WWOX: variants seen among roughly 807,000 people sequenced by gnomAD.
The protein encoded by WWOX is WW domain containing oxidoreductase, also known as WW domain-containing oxidoreductase.
Under a neutral mutation model 46.2 loss-of-function variants are expected in WWOX, and 69 were observed. That is an observed-to-expected ratio of 1.49 (90% CI 1.23 to 1.82). The LOEUF (loss-of-function observed/expected upper bound fraction) is 1.82, where lower values mean the gene tolerates loss of function less well. WWOX is among the 40% of genes most tolerant of loss of function. The pLI, the probability that WWOX is intolerant of heterozygous loss-of-function variation, is 0.00. For missense variants in WWOX, 919 were observed against 542.6 expected (o/e 1.69, Z -6.89); for synonymous variants, 359 against 202.6 (o/e 1.77, Z -6.56).
intron 5 of WWOX, among the ~76,000 whole-genome samples, chr16:78,327,275 G>C (rs1340640491): frequency 6.6e-6 from 1 of 152,188 alleles, no homozygotes; most frequent in Non-Finnish European, 1.5e-5. Context: ...CATATGACAG[G>C]CTGGCTTGAT....
chr16:78,546,272 A>G (rs1360988278), intron 8 of WWOX, among the ~76,000 whole-genome samples: 3 of 152,194 alleles, frequency 2.0e-5, no homozygotes, highest in Non-Finnish European at 4.4e-5. Flanking sequence ...GAACTGAAGC[A>G]TGAAAGGGAA....
chr16:78,625,269 C>T lies in WWOX; in HGVS notation c.1056+192517C>T, dbSNP rs187154303. ...CAGCCCCACTCTTTAGCCTCAGTCC[C>T]TCTGTGGTTCCCCTGACTGAGCTCC... On this transcript the variant is annotated intron_variant, in intron 8 of 8. Transcript: ENST00000566780. 9.0e-3 allele frequency among the ~76,000 whole-genome samples: 1,374 copies of T among 152,274 alleles called. 13 individuals are homozygous for T. Among genetic ancestry groups the T allele is most frequent in the Non-Finnish European group, 0.012 (834 of 68,016 alleles).
intron 5 of WWOX, among the ~76,000 whole-genome samples, chr16:78,301,670 A>C (rs1035193358): frequency 6.6e-6 from 1 of 152,180 alleles, no homozygotes; most frequent in Non-Finnish European, 1.5e-5. Flanking sequence ...CAAACCCTCC[A>C]AGACCTCAGG....
chr16:78,544,566 C>A (rs2043977091), intron 8 of WWOX, among the ~76,000 whole-genome samples: 1 of 152,128 alleles, frequency 6.6e-6, no homozygotes, highest in Non-Finnish European at 1.5e-5. Context: ...CATTGCAATG[C>A]ACAGTGGGTT....
At chr16:78,914,241 C>G (rs557772347) in intron 8 of WWOX, among the ~76,000 whole-genome samples, 1 of 150,224 alleles carries the variant, frequency 6.7e-6, no homozygotes, top group African/African-American at 2.5e-5. Context: ...TCCGTCTATT[C>G]ATTCATTCAT....
intron 8 of WWOX, among the ~76,000 whole-genome samples, chr16:78,783,120 G>GA (rs1480686156): frequency 2.0e-5 from 3 of 152,252 alleles, no homozygotes; most frequent in South Asian, 2.1e-4. Flanking sequence ...AAGTTATCAG[G>GA]AAAAACCAAA....
At chr16:79,002,104 C>G (rs991345206) in intron 8 of WWOX, among the ~76,000 whole-genome samples, 5 of 151,730 alleles carry the variant, frequency 3.3e-5, no homozygotes, top group African/African-American at 1.2e-4. Context: ...GGCAGTGAAA[C>G]CTGAATCTCA....
At chr16:78,791,126 G>A (rs916823247) in intron 8 of WWOX, among the ~76,000 whole-genome samples, 1 of 152,054 alleles carries the variant, frequency 6.6e-6, no homozygotes, top group Non-Finnish European at 1.5e-5. Context: ...GAAGGGGGTT[G>A]GAGGTCAGTG....
intron 8 of WWOX, among the ~76,000 whole-genome samples, chr16:79,200,842 C>G (rs1411382154): frequency 6.6e-6 from 1 of 152,140 alleles, no homozygotes; most frequent in Non-Finnish European, 1.5e-5. Flanking sequence ...GGCCAGGTGA[C>G]AGGCGAGTCT....
intron 8 of WWOX, among the ~76,000 whole-genome samples, chr16:78,650,172 T>C (rs2046934750): frequency 6.6e-6 from 1 of 152,150 alleles, no homozygotes; most frequent in African/African-American, 2.4e-5. Flanking sequence ...AAAAGAGTGT[T>C]TGGCTAACTT....
intron 8 of WWOX, among the ~76,000 whole-genome samples, chr16:78,943,840 T>C (rs2151294837): frequency 6.6e-6 from 1 of 152,202 alleles, no homozygotes; most frequent in East Asian, 1.9e-4. Context: ...CTCCCCGATG[T>C]CCCGAAAGAG....
At chr16:79,210,745 C>T (rs898873829) in intron 8 of WWOX, among the ~76,000 whole-genome samples, 8 of 152,130 alleles carry the variant, frequency 5.3e-5, no homozygotes, top group African/African-American at 1.9e-4. Flanking sequence ...TGATTTCTTG[C>T]CCTCTTTATA....
At position 78,913,850 on chromosome 16, in the gene WWOX, G is replaced by A. The variant is rs574022002; in HGVS notation, c.1057-297758G>A. Among the ~76,000 whole-genome samples, 23 of 151,918 alleles carry A rather than the reference G, an allele frequency of 1.5e-4. 1 individual carries two copies. The highest frequency in any genetic ancestry group is 7.2e-4 in the Admixed American group (11 of 15,248). ...TAACTTTTGTATTTTTTGTAGATAC[G>A]GGGTCTTGCTATGTTGTCCAGGCTG... On this transcript the variant is annotated intron_variant, in intron 8 of 8. Coordinates refer to ENST00000566780, the MANE Select transcript of WWOX (RefSeq NM_016373.4).
intron 8 of WWOX, among the ~76,000 whole-genome samples, chr16:78,594,075 G>C (rs960510925): frequency 6.6e-6 from 1 of 152,142 alleles, no homozygotes; most frequent in Non-Finnish European, 1.5e-5. Flanking sequence ...CGTTTATAAA[G>C]TCTGCGGCAA....
At chr16:78,996,444 T>G in intron 8 of WWOX, 2 of 551,550 alleles carry the variant, frequency 3.6e-6, no homozygotes, top group South Asian at 8.0e-5. Flanking sequence ...GGAGGCATAT[T>G]CAAAGTGCTC....
At chr16:78,127,879 C>T (rs1462145933) in intron 4 of WWOX, among the ~76,000 whole-genome samples, 2 of 152,158 alleles carry the variant, frequency 1.3e-5, no homozygotes, top group East Asian at 3.9e-4. Flanking sequence ...TAATTTGACA[C>T]AGATTGTCCT....
intron 8 of WWOX, among the ~76,000 whole-genome samples, chr16:78,526,978 A>G (rs1252427555): frequency 6.6e-6 from 1 of 152,194 alleles, no homozygotes; most frequent in Non-Finnish European, 1.5e-5. Flanking sequence ...CAGCCTGACC[A>G]ACATGGTGAA....
At chr16:78,307,617 T>G (rs2080158177) in intron 5 of WWOX, among the ~76,000 whole-genome samples, 1 of 152,188 alleles carries the variant, frequency 6.6e-6, no homozygotes, top group Non-Finnish European at 1.5e-5. Flanking sequence ...GAGGTTGATT[T>G]TGGGCTTTTG....
At chr16:78,625,480 G>T (rs911951321) in intron 8 of WWOX, among the ~76,000 whole-genome samples, 4 of 151,984 alleles carry the variant, frequency 2.6e-5, no homozygotes, top group African/African-American at 9.7e-5. Context: ...AACAGACTTC[G>T]TTAGAACATC....
Sources: allele counts gnomAD v4.1 joint callset (sites outside exome capture counted in the v4.1 genomes callset), GRCh38; gene constraint gnomAD v4.1.1; transcripts MANE v1.5; gene names NCBI Gene and HGNC (gene_info 2026-07-23, HGNC 2026-07-21).